Variants in PRDM2 observed in about 807,000 individuals in gnomAD.
PRDM2 encodes PR domain zinc finger protein 2.
A neutral mutation model predicts 130.0 loss-of-function variants in PRDM2; 30 were observed. That is an observed-to-expected ratio of 0.23 (90% CI 0.17 to 0.31). The LOEUF (loss-of-function observed/expected upper bound fraction) is 0.31. PRDM2 is among the 10% of genes least tolerant of loss of function. PRDM2 has a pLI of 1.00. For synonymous variants in PRDM2, 871 were observed against 782.4 expected (o/e 1.11, Z -1.89); for missense variants, 2,011 against 2,108.4 (o/e 0.95, Z 0.90).
At chr1:13,746,563 T>A (rs1643615356) in intron 5 of PRDM2, among the ~76,000 whole-genome samples, 1 of 131,502 alleles carries the variant, frequency 7.6e-6, no homozygotes. Flanking sequence ...TTTATTTATT[T>A]ATTTATTTTT....
At position 13,781,488 on chromosome 1, in the gene PRDM2, C is replaced by T; in HGVS notation, c.3693C>T (p.Pro1231=). The change falls in exon 8 of 10, where the codon CCC becomes CCT. Residue 1231 remains proline (P), a synonymous_variant. Transcript: ENST00000311066. This position sits in a 1 kb window ranked among gnomAD's most constrained non-coding sequence, Gnocchi z 6.1. ...HHEFESGTLR[P]QNFTDPSKAH... ...AGTTTGAAAGCGGGACTCTGAGGCCCCAGAACTTTACAGATCCCAGCAAGG... is the reference window on the plus strand; with the variant it reads ...AGTTTGAAAGCGGGACTCTGAGGCCTCAGAACTTTACAGATCCCAGCAAGG... 1.9e-6 allele frequency: 3 copies of T among 1,613,260 alleles called. No homozygotes were observed. Among genetic ancestry groups the T allele is most frequent in the Non-Finnish European group, 2.5e-6 (3 of 1,179,796 alleles).
Position 13,701,006 on chromosome 1 carries a change from C to G in PRDM2, c.-66+706C>G, listed in dbSNP as rs188105689. Among the ~76,000 whole-genome samples, 933 of 152,290 alleles carry G rather than the reference C, an allele frequency of 6.1e-3. 1 individual carries two copies. Among genetic ancestry groups the G allele is most frequent in the Middle Eastern group, 0.017 (5 of 294 alleles). On this transcript the variant is annotated intron_variant, in intron 1 of 9. Transcript: ENST00000311066. ...AAACCTAACAGGTCAGTGTCATTCC[C>G]CAAACCTTCGTGGTTCTTTCGATCC...
In PRDM2 at chr1:13,824,362, G is replaced by C. The variant is rs917869876; in HGVS notation, c.*1227G>C. On this transcript the variant is annotated 3_prime_UTR_variant, in exon 10 of 10. Transcript: ENST00000311066. ...GGATTTTTTTTTTCAGGGCTACTACGGTTGATCTTGCAACTCTGTAAATAT... is the reference window on the plus strand; with the variant it reads ...GGATTTTTTTTTTCAGGGCTACTACCGTTGATCTTGCAACTCTGTAAATAT... The C allele has an allele frequency of 6.6e-6, 1 of 152,502 alleles. No homozygotes were observed. Among genetic ancestry groups the C allele is most frequent in the Non-Finnish European group, 1.5e-5 (1 of 68,022 alleles). The allele number at this position is 152,502 out of a possible 1,614,324, so 9.4% of individuals were successfully genotyped here.
chr1:13,731,009 G>T lies in PRDM2; in HGVS notation c.19G>T (p.Glu7Ter). Residue 7 changes from glutamate (E) to a stop codon, truncating the protein, a stop_gained, in exon 3 of 10, where the codon GAG becomes TAG. Transcript: ENST00000311066. LOFTEE classifies it high-confidence loss of function. The part of the protein sequence containing the change: MNQNTT[E>*]PVAATETLAE... ...ATTTCTTGACTTGCAGAACACTACT[G>T]AGCCTGTGGCGGCCACCGAGACCCT... is the stretch of plus-strand genomic sequence containing the variant. The T allele has an allele frequency of 6.3e-7, 1 of 1,586,310 alleles. No homozygotes were observed. The highest frequency in any genetic ancestry group is 8.6e-7 in the Non-Finnish European group (1 of 1,168,848).
intron 8 of PRDM2, among the ~76,000 whole-genome samples, chr1:13,814,253 G>T (rs1203743344): frequency 6.6e-6 from 1 of 152,168 alleles, no homozygotes; most frequent in Non-Finnish European, 1.5e-5. Context: ...GAGCACAGTT[G>T]TATGAAGCAT....
intron 8 of PRDM2, among the ~76,000 whole-genome samples, chr1:13,811,003 G>A (rs1335957149): frequency 4.6e-5 from 7 of 150,812 alleles, no homozygotes; most frequent in Non-Finnish European, 8.9e-5. Flanking sequence ...GGCCAACATG[G>A]TGAAACCCCG....
chr1:13,789,906 G>T (rs1644810758), intron 8 of PRDM2, among the ~76,000 whole-genome samples: 1 of 152,210 alleles, frequency 6.6e-6, no homozygotes, highest in African/African-American at 2.4e-5. Context: ...TTTCCTGCCT[G>T]ATGGCACCAC....
At chr1:13,766,519 A>G (rs1382196192) in intron 6 of PRDM2, among the ~76,000 whole-genome samples, 1 of 152,208 alleles carries the variant, frequency 6.6e-6, no homozygotes, top group Non-Finnish European at 1.5e-5. Flanking sequence ...GCAAGGATGA[A>G]GGACTGATGG....
intron 8 of PRDM2, among the ~76,000 whole-genome samples, chr1:13,796,235 A>G (rs1345518880): frequency 6.6e-6 from 1 of 152,172 alleles, no homozygotes; most frequent in African/African-American, 2.4e-5. Flanking sequence ...CGTACTCCTC[A>G]AGATCTCCTT....
intron 8 of PRDM2, among the ~76,000 whole-genome samples, chr1:13,797,520 G>T (rs983366434): frequency 1.3e-5 from 2 of 152,178 alleles, no homozygotes; most frequent in South Asian, 4.1e-4. Context: ...GACACAGCTC[G>T]TGAGTGCCAG....
intron 8 of PRDM2, among the ~76,000 whole-genome samples, chr1:13,801,890 G>A (rs920566716): frequency 6.6e-6 from 1 of 152,182 alleles, no homozygotes; most frequent in African/African-American, 2.4e-5. Flanking sequence ...CTGGGTGTCT[G>A]TTTGAGCAGT....
At chr1:13,786,365 AGGACGCTC>A in intron 8 of PRDM2, 1 of 1,003,480 alleles carries the variant, frequency 1.0e-6, no homozygotes, top group Non-Finnish European at 1.4e-6. Context: ...TCTTCTGGGT[AGGACGCTC>A]GTTCCTAAAT....
intron 5 of PRDM2, among the ~76,000 whole-genome samples, chr1:13,749,109 C>T (rs1330248477): frequency 2.6e-5 from 4 of 152,090 alleles, no homozygotes; most frequent in Non-Finnish European, 5.9e-5. Context: ...ACCCGGGCTC[C>T]GCTACCCGTC....
chr1:13,800,800 G>A (rs375281903), intron 8 of PRDM2, among the ~76,000 whole-genome samples: 139 of 152,314 alleles, frequency 9.1e-4, no homozygotes, highest in African/African-American at 3.2e-3. Flanking sequence ...GGAGGGTTGG[G>A]GGGGGTCTCC....
chr1:13,742,199 G>A (rs2100508451), intron 5 of PRDM2, 42 bp downstream of exon 5: 1 of 1,585,132 alleles, frequency 6.3e-7, no homozygotes. Flanking sequence ...TACGCTGCTT[G>A]TGTTTTCCTT....
intron 1 of PRDM2, among the ~76,000 whole-genome samples, chr1:13,700,989 C>A (rs1362290033): frequency 6.6e-6 from 1 of 152,174 alleles, no homozygotes; most frequent in Non-Finnish European, 1.5e-5. Flanking sequence ...GTAAACCTAA[C>A]AGGTCAGTGT....
Position 13,747,966 on chromosome 1 carries a change from T to C in PRDM2, c.385-1395T>C, listed in dbSNP as rs576819894. Among the ~76,000 whole-genome samples, 115 of 152,328 alleles carry C rather than the reference T, an allele frequency of 7.5e-4. 1 individual carries two copies. The highest frequency in any genetic ancestry group is 2.7e-3 in the African/African-American group (111 of 41,582). On this transcript the variant is annotated intron_variant, in intron 5 of 9. Coordinates refer to ENST00000311066, the MANE Select transcript of PRDM2 (RefSeq NM_001393986.1). ...AAAACGTTTCCACATTCAGTTGTTA[T>C]GTCTTATGTGTTTGGCTGGTACCTT... is the stretch of plus-strand genomic sequence containing the variant.
rs531793045 is a variant in PRDM2, at chr1:13,787,083, C to T, written c.5036+4252C>T. The T allele has an allele frequency of 6.1e-6, 6 of 985,434 alleles. No individual in the cohort carries two copies. The South Asian group carries it at 2.8e-4, about 46-fold the overall frequency. 61.0% of individuals were successfully genotyped at this position (985,434 alleles called of 1,614,324 possible). On this transcript the variant is annotated intron_variant, in intron 8 of 9. Coordinates refer to ENST00000311066, the MANE Select transcript of PRDM2 (RefSeq NM_001393986.1). Reference sequence around the variant, plus strand: ...TTGTTGTTTTCGTTTTTTTAAATCACAAGTAGATTGCCAGCGTAATGGAGA... The same window carrying T: ...TTGTTGTTTTCGTTTTTTTAAATCATAAGTAGATTGCCAGCGTAATGGAGA...
Position 13,782,016 on chromosome 1 carries a change from T to G in PRDM2, c.4221T>G (p.Val1407=). The G allele has an allele frequency of 6.2e-7, 1 of 1,614,132 alleles. No homozygotes were observed. The highest frequency in any genetic ancestry group is 1.1e-5 in the South Asian group (1 of 91,080). Residue 1407 remains valine (V), a synonymous_variant, in exon 8 of 10, where the codon GTT becomes GTG. Coordinates refer to ENST00000311066, the MANE Select transcript of PRDM2 (RefSeq NM_001393986.1). ...AGCCCAAAAGGCTTAACTTTAGTGTTGAGCTCAGCAAAATGTCGTCGAATA... is the reference window on the plus strand; with the variant it reads ...AGCCCAAAAGGCTTAACTTTAGTGTGGAGCTCAGCAAAATGTCGTCGAATA... ...MGQPKRLNFS[V]ELSKMSSNKL... is the part of the protein sequence containing the mutation.
Sources: allele counts gnomAD v4.1 joint callset (sites outside exome capture counted in the v4.1 genomes callset), GRCh38; gene constraint gnomAD v4.1.1; non-coding constraint Gnocchi (gnomAD v3.1); transcripts MANE v1.5; gene names NCBI Gene and HGNC (gene_info 2026-07-23, HGNC 2026-07-21).